The following PRDM11 variants were observed in gnomAD, a reference collection of about 807,000 sequenced individuals.
PRDM11 encodes PR domain-containing protein 11.
Under a neutral mutation model 97.8 loss-of-function variants are expected in PRDM11, and 20 were observed. The observed-to-expected ratio is 0.20, with a 90% CI of 0.14 to 0.30. The LOEUF is 0.30. PRDM11 is among the 10% of genes least tolerant of loss of function. PRDM11 has a pLI of 1.00. For missense variants in PRDM11, 1,139 were observed against 1,555.2 expected (o/e 0.73, Z 4.50); for synonymous variants, 599 against 637.7 (o/e 0.94, Z 0.91).
intron 1 of PRDM11, among the ~76,000 whole-genome samples, chr11:45,169,846 G>A (rs1373836193): frequency 6.6e-6 from 1 of 152,096 alleles, no homozygotes; most frequent in African/African-American, 2.4e-5. Flanking sequence ...CCTAACTTTG[G>A]TTTTGTTTCA....
At position 45,200,166 on chromosome 11, in the gene PRDM11, A is replaced by G. The variant is rs76126265; in HGVS notation, c.487-4545A>G. On this transcript the variant is annotated intron_variant, in intron 4 of 7. Coordinates refer to ENST00000683152, the MANE Select transcript of PRDM11 (RefSeq NM_001384648.1). ...AAATGCTTGATATGAGACAATCCCAATTGGTGGGAAAGATAAGCCAAAAAC... is the reference window on the plus strand; with the variant it reads ...AAATGCTTGATATGAGACAATCCCAGTTGGTGGGAAAGATAAGCCAAAAAC... Among the ~76,000 whole-genome samples, 216 of 152,296 alleles carry G rather than the reference A, an allele frequency of 1.4e-3. 3 individuals carry two copies. In the East Asian group the frequency reaches 0.034, roughly 24 times the overall value.
chr11:45,135,732 A>G (rs972929593), intron 1 of PRDM11, among the ~76,000 whole-genome samples: 2 of 152,206 alleles, frequency 1.3e-5, no homozygotes, highest in Non-Finnish European at 2.9e-5. Flanking sequence ...TGGGAATGTC[A>G]ATTCTCCTCA....
chr11:45,157,266 T>C (rs560711067), intron 1 of PRDM11, among the ~76,000 whole-genome samples: 9 of 152,220 alleles, frequency 5.9e-5, no homozygotes, highest in Middle Eastern at 3.4e-3. Flanking sequence ...GATGAAACTA[T>C]TCCACTTCAG....
intron 1 of PRDM11, among the ~76,000 whole-genome samples, chr11:45,130,986 G>T (rs915183095): frequency 6.6e-6 from 1 of 152,168 alleles, no homozygotes; most frequent in Non-Finnish European, 1.5e-5. Context: ...AAATAGCCAA[G>T]AGTTAGACAC....
intron 1 of PRDM11, among the ~76,000 whole-genome samples, chr11:45,176,470 C>A (rs1044119648): frequency 1.3e-5 from 2 of 152,080 alleles, no homozygotes; most frequent in Non-Finnish European, 2.9e-5. Flanking sequence ...AGGGTACTTA[C>A]GATAGGTCAG....
intron 1 of PRDM11, among the ~76,000 whole-genome samples, chr11:45,101,612 T>C (rs1851983288): frequency 7.1e-6 from 1 of 141,486 alleles, no homozygotes; most frequent in Admixed American, 6.9e-5. Flanking sequence ...CGTTCAGGGC[T>C]CAGAGCTAGA....
intron 1 of PRDM11, among the ~76,000 whole-genome samples, chr11:45,173,515 G>C (rs574383440): frequency 6.6e-6 from 1 of 151,838 alleles, no homozygotes; most frequent in African/African-American, 2.4e-5. Context: ...CCAGCTACTC[G>C]GGAGGCTGAG....
At chr11:45,144,124 CA>C (rs1195121001), upstream of PRDM11, among the ~76,000 whole-genome samples, 2 of 152,242 alleles carry the variant, frequency 1.3e-5, no homozygotes, top group Non-Finnish European at 2.9e-5. Flanking sequence ...AGCCTTGTTT[CA>C]GATTCCTTCC....
chr11:45,180,858 C>T (rs1373107628), intron 1 of PRDM11, among the ~76,000 whole-genome samples: 4 of 151,690 alleles, frequency 2.6e-5, no homozygotes, highest in Admixed American at 1.3e-4. Flanking sequence ...CCTTCCCCAC[C>T]GCGCGCCCCC....
chr11:45,196,488 C>T, intron 4 of PRDM11, among the ~76,000 whole-genome samples: 1 of 152,214 alleles, frequency 6.6e-6, no homozygotes, highest in South Asian at 2.1e-4. Context: ...TTTGCTGCCC[C>T]CTAGATAGGC....
At chr11:45,125,403 G>T (rs1852542712) in intron 1 of PRDM11, among the ~76,000 whole-genome samples, 1 of 152,170 alleles carries the variant, frequency 6.6e-6, no homozygotes, top group Admixed American at 6.5e-5. Context: ...GTTTGCTCTT[G>T]CTTTTCTAGT....
In PRDM11 at chr11:45,224,581, G is replaced by A; in HGVS notation, c.1107G>A (p.Gln369=). Residue 369 remains glutamine, a synonymous_variant, in exon 7 of 8, where the codon CAG becomes CAA. Coordinates refer to ENST00000683152, the MANE Select transcript of PRDM11 (RefSeq NM_001384648.1). ...TQGEGDWKVP[Q]GVSKEPGQLE... is the part of the protein sequence containing the mutation. Reference sequence around the variant, plus strand: ...GGGAGGGGGACTGGAAGGTCCCCCAGGGGGTCTCCAAGGAGCCAGGCCAAT... The same window carrying A: ...GGGAGGGGGACTGGAAGGTCCCCCAAGGGGTCTCCAAGGAGCCAGGCCAAT... 1 of 1,614,116 alleles carries A rather than the reference G, an allele frequency of 6.2e-7. No homozygotes were observed. Among genetic ancestry groups the A allele is most frequent in the Non-Finnish European group, 8.5e-7 (1 of 1,180,008 alleles).
rs564253681 is a variant in PRDM11, at chr11:45,154,135, G to A, written c.-7+7258G>A. Among the ~76,000 whole-genome samples, 12 of 152,120 alleles carry A rather than the reference G, an allele frequency of 7.9e-5. No homozygotes were observed. In the East Asian group the frequency reaches 1.5e-3, roughly 20 times the overall value. On this transcript the variant is annotated intron_variant, in intron 1 of 7. Transcript: ENST00000683152. The stretch of plus-strand genomic sequence containing the variant: ...TTTGGGAGGCTGAGGTGGGAGGATC[G>A]CTTGAGTCCAGGAGTTTGAGACCAG...
At chr11:45,149,185 C>G (rs1851599949) in intron 1 of PRDM11, among the ~76,000 whole-genome samples, 1 of 152,228 alleles carries the variant, frequency 6.6e-6, no homozygotes, top group Non-Finnish European at 1.5e-5. Context: ...GCAGTCACCC[C>G]CTCATGGCAG....
In PRDM11 at chr11:45,227,956, C is replaced by A; in HGVS notation, c.3331C>A (p.Leu1111Ile). The change falls in exon 8 of 8, where the codon CTT (leucine) becomes ATT (isoleucine). Residue 1111 changes from leucine to isoleucine, a missense_variant. This residue lies in a region of PRDM11 where 710 missense variants were observed against 1,044.9 expected (regional missense o/e 0.68). Coordinates refer to ENST00000683152, the MANE Select transcript of PRDM11 (RefSeq NM_001384648.1). The surrounding 1 kb of genome is among the most constrained non-coding windows in gnomAD (Gnocchi z 8.0). The stretch of plus-strand genomic sequence containing the variant: ...CCGCTCCCGCCTGACCCTGGAGCAG[C>A]TTAGCGACCTGTTGACAATCGCTGT... ...NHRSRLTLEQ[L>I]SDLLTIAVNG... The A allele has an allele frequency of 6.5e-7, 1 of 1,533,934 alleles. No homozygotes were observed.
rs1006849563 is a variant in PRDM11, at chr11:45,113,669, T to C, written c.96+17768T>C. Among the ~76,000 whole-genome samples the C allele has an allele frequency of 8.5e-5, 13 of 152,232 alleles. No individual in the cohort carries two copies. In the East Asian group the frequency reaches 1.7e-3, roughly 20 times the overall value. ...TCCTTGTAGAGATCTTTCACCTCTT[T>C]GGTTAAGTATATTCCTAAATTATTT... On this transcript the variant is annotated intron_variant, in intron 1 of 6. Coordinates refer to the PRDM11 transcript ENST00000530656.
chr11:45,170,113 C>T (rs965990574), intron 1 of PRDM11, among the ~76,000 whole-genome samples: 11 of 152,100 alleles, frequency 7.2e-5, no homozygotes, highest in South Asian at 2.1e-4. Context: ...GAGGCTGAGG[C>T]GGGCAAATCA....
At position 45,228,301 on chromosome 11, in the gene PRDM11, T is replaced by C. The variant is rs1254412343; in HGVS notation, c.*142T>C. 1.3e-5 allele frequency: 4 copies of C among 304,734 alleles called. No homozygotes were observed. The highest frequency in any genetic ancestry group is 2.3e-5 in the African/African-American group (1 of 44,040). The allele number at this position is 304,734 out of a possible 1,614,324, so 18.9% of individuals were successfully genotyped here. A position where few individuals can be genotyped will look rare whatever the true frequency, so the allele number is the denominator to read the frequency against. On this transcript the variant is annotated 3_prime_UTR_variant, in exon 8 of 8. Transcript: ENST00000683152. ...TATATATATAAACTCACACTGAAAA[T>C]TTTTAAAAACCAAGGTGACGCGTCC...
chr11:45,113,270 G>A (rs1452687962), intron 1 of PRDM11, among the ~76,000 whole-genome samples: 1 of 152,064 alleles, frequency 6.6e-6, no homozygotes, highest in Non-Finnish European at 1.5e-5. Context: ...GTACTTATTT[G>A]GCTTTATTTC....
Sources: gnomAD v4.1 joint callset for allele counts (sites outside exome capture counted in the v4.1 genomes callset) on GRCh38, gnomAD v4.1.1 for gene constraint, gnomAD v4.1.1 regional missense constraint, Gnocchi (gnomAD v3.1) non-coding constraint, MANE v1.5 for transcripts, NCBI Gene and HGNC (gene_info 2026-07-23, HGNC 2026-07-21) for gene names.